Variants in DPYD observed in about 807,000 individuals in gnomAD.
DPYD encodes dihydropyrimidine dehydrogenase.
Under a neutral mutation model 116.2 loss-of-function variants are expected in DPYD, and 109 were observed. The observed-to-expected ratio is 0.94, with a 90% CI of 0.80 to 1.10. DPYD has a LOEUF of 1.10. Among genes scored for constraint, DPYD ranks in the 50% least tolerant of loss-of-function variants. DPYD has a pLI of 0.00. For synonymous variants in DPYD, 440 were observed against 432.0 expected, an observed-to-expected ratio of 1.02 and a Z score of -0.23; for missense variants, 1,302 against 1,254.5, an observed-to-expected ratio of 1.04 and a Z score of -0.57.
intron 10 of DPYD, among the ~76,000 whole-genome samples, chr1:97,583,955 T>C (rs142272269): frequency 0.084 from 12,811 of 152,108 alleles, 760 homozygotes; most frequent in Middle Eastern, 0.14. Flanking sequence ...GGTCAAATGG[T>C]ATTTCTAGTT....
chr1:97,344,554 A>C (rs1362733542), intron 16 of DPYD, among the ~76,000 whole-genome samples: 2 of 151,544 alleles, frequency 1.3e-5, no homozygotes, highest in Non-Finnish European at 3.0e-5. Context: ...TTTAACATTC[A>C]ATTTTTTTCT....
At chr1:97,246,335 G>A (rs1358063474) in intron 18 of DPYD, among the ~76,000 whole-genome samples, 3 of 152,040 alleles carry the variant, frequency 2.0e-5, no homozygotes. Flanking sequence ...TAAAAAACAT[G>A]GACAACCCAT....
intron 16 of DPYD, among the ~76,000 whole-genome samples, chr1:97,341,662 C>T (rs903432182): frequency 6.6e-6 from 1 of 152,170 alleles, no homozygotes; most frequent in Non-Finnish European, 1.5e-5. Context: ...CAGATAATCA[C>T]GAAGACCTGG....
At chr1:97,561,022 G>A (rs1158980945) in intron 11 of DPYD, among the ~76,000 whole-genome samples, 1 of 152,156 alleles carries the variant, frequency 6.6e-6, no homozygotes, top group Non-Finnish European at 1.5e-5. Flanking sequence ...GACAAGAGAG[G>A]AAGTCTGAGA....
chr1:97,575,098 CTAACTTTG>C (rs1288997215), intron 10 of DPYD, among the ~76,000 whole-genome samples: 8 of 152,164 alleles, frequency 5.3e-5, no homozygotes, highest in African/African-American at 1.9e-4. Context: ...TTCAGAGTTT[CTAACTTTG>C]GAGGGTTAAG....
chr1:97,308,988 A>T (rs1452432447), intron 16 of DPYD, among the ~76,000 whole-genome samples: 1 of 151,958 alleles, frequency 6.6e-6, no homozygotes, highest in East Asian at 1.9e-4. Context: ...TGTGTCAATG[A>T]ATGAGAAATG....
At chr1:97,502,313 TTTTC>T (rs1679628671) in intron 13 of DPYD, among the ~76,000 whole-genome samples, 1 of 152,036 alleles carries the variant, frequency 6.6e-6, no homozygotes, top group Non-Finnish European at 1.5e-5. Context: ...TTAGCAGCAA[TTTTC>T]TTTTTCTTCT....
chr1:97,079,156 G>C lies in DPYD; in HGVS notation c.2908-10C>G, dbSNP rs1420673797. The C allele has an allele frequency of 6.2e-7, 1 of 1,613,020 alleles. No individual in the cohort carries two copies. Among genetic ancestry groups the C allele is most frequent in the South Asian group, 1.1e-5 (1 of 91,054 alleles). ...GATCAAACTGTATAGCCTGCAAACA[G>C]AAATAGAGGGTATTGATGTCACTGA... On this transcript the variant is annotated splice_polypyrimidine_tract_variant and intron_variant, in intron 22 of 22. Transcript: ENST00000370192.
At chr1:97,587,373 T>C (rs1446333446) in intron 10 of DPYD, among the ~76,000 whole-genome samples, 1 of 152,216 alleles carries the variant, frequency 6.6e-6, no homozygotes, top group Non-Finnish European at 1.5e-5. Flanking sequence ...CCAACTCAAA[T>C]GACGTGCAGG....
chr1:97,749,381 T>G (rs1178739253), intron 3 of DPYD, among the ~76,000 whole-genome samples: 1 of 152,176 alleles, frequency 6.6e-6, no homozygotes, highest in Non-Finnish European at 1.5e-5. Flanking sequence ...GTCCAACCAT[T>G]TTTACATTTT....
intron 10 of DPYD, among the ~76,000 whole-genome samples, chr1:97,589,989 CT>C (rs1654391994): frequency 6.6e-6 from 1 of 152,120 alleles, no homozygotes; most frequent in African/African-American, 2.4e-5. Flanking sequence ...TTCATATTGG[CT>C]AAAAATTATG....
At chr1:97,392,724 T>C (rs994745683) in intron 14 of DPYD, among the ~76,000 whole-genome samples, 1 of 152,224 alleles carries the variant, frequency 6.6e-6, no homozygotes, top group Admixed American at 6.5e-5. Context: ...TCTTTGCTCA[T>C]TCATAAGAAG....
At position 97,078,684 on chromosome 1, in the gene DPYD, A is replaced by T; in HGVS notation, c.*292T>A. On this transcript the variant is annotated 3_prime_UTR_variant, in exon 23 of 23. Transcript: ENST00000370192. ...AAACTGTCACACTAATTGCCACAAA[A>T]AAGTTAATTTTTCACATAAGACAAC... 2.5e-6 allele frequency: 1 copy of T among 399,300 alleles called. No homozygotes were observed. The highest frequency in any genetic ancestry group is 3.7e-5 in the Admixed American group (1 of 26,902). 24.7% of individuals were successfully genotyped at this position (399,300 alleles called of 1,614,324 possible). A position where few individuals can be genotyped will look rare whatever the true frequency, so the allele number is the denominator to read the frequency against.
intron 11 of DPYD, among the ~76,000 whole-genome samples, chr1:97,568,823 T>C (rs1021865405): frequency 6.6e-6 from 1 of 152,138 alleles, no homozygotes; most frequent in Non-Finnish European, 1.5e-5. Context: ...GGATCTATTA[T>C]GGGCACACTA....
At chr1:97,169,286 AC>A (rs1165505671) in intron 20 of DPYD, among the ~76,000 whole-genome samples, 7 of 152,170 alleles carry the variant, frequency 4.6e-5, no homozygotes, top group African/African-American at 1.7e-4. Flanking sequence ...TCTAATCATT[AC>A]CATTTTCTTC....
intron 4 of DPYD, among the ~76,000 whole-genome samples, chr1:97,724,953 A>AAGAGAGAGAGAGAGAGAG (rs71590231): frequency 2.8e-4 from 33 of 118,914 alleles, no homozygotes; most frequent in African/African-American, 9.2e-4. Flanking sequence ...GAGGGAAGGA[A>AAGAGAGAGAGAGAGAGAG]AGAGAGAGAG....
intron 5 of DPYD, among the ~76,000 whole-genome samples, chr1:97,707,559 T>C (rs1018118951): frequency 1.3e-5 from 2 of 151,338 alleles, no homozygotes; most frequent in African/African-American, 4.9e-5. Flanking sequence ...TTTTTTGTTC[T>C]TGCGATAGTT....
At chr1:97,245,550 T>C (rs1182907269) in intron 18 of DPYD, among the ~76,000 whole-genome samples, 5 of 152,216 alleles carry the variant, frequency 3.3e-5, no homozygotes, top group Middle Eastern at 3.4e-3. Context: ...CCAGAGCAAA[T>C]GTTACACAGC....
intron 15 of DPYD, among the ~76,000 whole-genome samples, chr1:97,378,996 T>G (rs893323555): frequency 5.3e-5 from 8 of 152,190 alleles, no homozygotes; most frequent in African/African-American, 1.9e-4. Flanking sequence ...CAGAGTTAGG[T>G]ACAGGGACTT....
Sources: gnomAD v4.1 joint callset for allele counts (sites outside exome capture counted in the v4.1 genomes callset) on GRCh38, gnomAD v4.1.1 for gene constraint, MANE v1.5 for transcripts, NCBI Gene and HGNC (gene_info 2026-07-23, HGNC 2026-07-21) for gene names.